Variants in GTF3C1 observed in about 807,000 individuals in gnomAD.
The protein encoded by GTF3C1 is general transcription factor 3C polypeptide 1.
A neutral mutation model predicts 226.7 loss-of-function variants in GTF3C1; 57 were observed. That is an observed-to-expected ratio of 0.25 (90% CI 0.20 to 0.31). The LOEUF (loss-of-function observed/expected upper bound fraction) is 0.31, where lower values mean the gene tolerates loss of function less well. Ranked by LOEUF, GTF3C1 falls within the 10% of genes least tolerant of loss-of-function variation. The probability of loss-of-function intolerance (pLI) is 1.00; values close to 1 mark genes in which losing one functional copy is unlikely to be tolerated. For synonymous variants in GTF3C1, 1,090 were observed against 1,084.8 expected (o/e 1.00, Z -0.09); for missense variants, 2,217 against 2,776.1 (o/e 0.80, Z 4.53).
At chr16:27,524,942 T>C (rs1373846342) in intron 6 of GTF3C1, among the ~76,000 whole-genome samples, 1 of 152,020 alleles carries the variant, frequency 6.6e-6, no homozygotes. Context: ...TCACCTGAGG[T>C]CAGGGGTTCA....
At position 27,545,402 on chromosome 16, in the gene GTF3C1, G is replaced by T. The variant is rs772685749; in HGVS notation, c.343C>A (p.Arg115Ser). The T allele has an allele frequency of 6.2e-7, 1 of 1,613,280 alleles. No homozygotes were observed. The highest frequency in any genetic ancestry group is 1.7e-5 in the Admixed American group (1 of 60,018). The change falls in exon 2 of 37, where the codon CGC becomes AGC. Residue 115 changes from arginine (R) to serine (S), a missense_variant. Transcript: ENST00000356183. ...ATGTTTTTCCTCTCCTTAAAGTAGCGGCATGAGCCCTGGATGCCATCCTTA... is the reference window on the plus strand; with the variant it reads ...ATGTTTTTCCTCTCCTTAAAGTAGCTGCATGAGCCCTGGATGCCATCCTTA... ...ENKDGIQGSCRYFKERKNITN... is the reference protein window; with the variant it reads ...ENKDGIQGSCSYFKERKNITN...
intron 15 of GTF3C1, 51 bp downstream of exon 15, chr16:27,495,160 C>T: frequency 7.2e-7 from 1 of 1,380,736 alleles, no homozygotes; most frequent in Non-Finnish European, 1.0e-6. Context: ...TCCCTGGATC[C>T]TACTACTGGG....
Position 27,469,893 on chromosome 16 carries a change from C to A in GTF3C1, c.4814+215G>T, listed in dbSNP as rs1187206416. ...CCTTCTCTTCCCTGCCCCTCCCCTG[C>A]CCCGCTGTGCTGCGTCCTTCTCTTT... On this transcript the variant is annotated intron_variant, in intron 31 of 36. Coordinates refer to ENST00000356183, the MANE Select transcript of GTF3C1 (RefSeq NM_001520.4). The surrounding 1 kb of genome is among the most constrained non-coding windows in gnomAD (Gnocchi z 4.5). Among the ~76,000 whole-genome samples, 1 of 152,158 alleles carries A rather than the reference C, an allele frequency of 6.6e-6. No individual in the cohort carries two copies. Among genetic ancestry groups the A allele is most frequent in the African/African-American group, 2.4e-5 (1 of 41,440 alleles).
In GTF3C1 at chr16:27,461,213, ACT is replaced by A. The variant is rs1305400474; in HGVS notation, c.*135_*136del. 4.9e-6 allele frequency: 3 copies of A among 615,350 alleles called. No individual in the cohort carries two copies. In the African/African-American group the frequency reaches 5.5e-5, roughly 11 times the overall value. The allele number at this position is 615,350 out of a possible 1,614,324, so 38.1% of individuals were successfully genotyped here. A position where few individuals can be genotyped will look rare whatever the true frequency, so the allele number is the denominator to read the frequency against. On this transcript the variant is annotated 3_prime_UTR_variant, in exon 37 of 37. Transcript: ENST00000356183. The surrounding 1 kb of genome is among the most constrained non-coding windows in gnomAD (Gnocchi z 5.3). Reference sequence around the variant, plus strand: ...ACAGTGGGAAACGTGTCAGTCTGTGACTCTGGCCAAAGCACCCGTCCCCTGCT... The same window carrying A: ...ACAGTGGGAAACGTGTCAGTCTGTGACTGGCCAAAGCACCCGTCCCCTGCT...
intron 6 of GTF3C1, among the ~76,000 whole-genome samples, chr16:27,520,327 C>G (rs922574184): frequency 1.3e-5 from 2 of 152,110 alleles, no homozygotes; most frequent in Non-Finnish European, 2.9e-5. Context: ...GTTGGCCAAG[C>G]TGGTCTCCAA....
chr16:27,481,333 C>CTCGGACTTAG, intron 26 of GTF3C1, 142 bp from the exon 27 acceptor site: 1 of 675,992 alleles, frequency 1.5e-6, no homozygotes, highest in Non-Finnish European at 2.6e-6. Flanking sequence ...CCCCTGGTCA[C>CTCGGACTTAG]CTGTCATCTG....
At chr16:27,491,909 G>C (rs565919305) in intron 19 of GTF3C1, among the ~76,000 whole-genome samples, 1 of 152,042 alleles carries the variant, frequency 6.6e-6, no homozygotes, top group Non-Finnish European at 1.5e-5. Flanking sequence ...GGCTGTTCCC[G>C]AGCCCTGGAA....
intron 23 of GTF3C1, among the ~76,000 whole-genome samples, chr16:27,487,207 C>T (rs577364272): frequency 1.2e-4 from 19 of 152,336 alleles, no homozygotes; most frequent in African/African-American, 4.6e-4. Flanking sequence ...CACATATCTA[C>T]GACAGGCGAA....
At position 27,464,671 on chromosome 16, in the gene GTF3C1, A is replaced by T; in HGVS notation, c.5521T>A (p.Ser1841Thr). Residue 1841 changes from serine (S) to threonine (T), a missense_variant, in exon 34 of 37, where the codon TCC becomes ACC. Coordinates refer to ENST00000356183, the MANE Select transcript of GTF3C1 (RefSeq NM_001520.4). ...CCCTCGGGGGGGCTGTCCTCACTGG[A>T]AGACCCCTCCAGGGGTCTGGCCTGG... ...DPQARPLEGS[S>T]SEDSPPEGQA... 2 of 1,549,746 alleles carry T rather than the reference A, an allele frequency of 1.3e-6. No homozygotes were observed. Among genetic ancestry groups the T allele is most frequent in the Non-Finnish European group, 1.7e-6 (2 of 1,155,104 alleles).
chr16:27,507,386 T>C lies in GTF3C1; in HGVS notation c.1243-230A>G, dbSNP rs2088502056. 6.6e-6 allele frequency among the ~76,000 whole-genome samples: 1 copy of C among 151,398 alleles called. No individual in the cohort carries two copies. On this transcript the variant is annotated intron_variant, in intron 8 of 36. Coordinates refer to ENST00000356183, the MANE Select transcript of GTF3C1 (RefSeq NM_001520.4). This position sits in a 1 kb window ranked among gnomAD's most constrained non-coding sequence, Gnocchi z 4.9. Reference sequence around the variant, plus strand: ...TCTCTGAAGTACAACCCTGAATGTGTGTCTGCTCTATGAGGCTATGAGCTT... The same window carrying C: ...TCTCTGAAGTACAACCCTGAATGTGCGTCTGCTCTATGAGGCTATGAGCTT...
chr16:27,463,238 T>C lies in GTF3C1; in HGVS notation c.5924+303A>G. 1 of 426,592 alleles carries C rather than the reference T, an allele frequency of 2.3e-6. No individual in the cohort carries two copies. Among genetic ancestry groups the C allele is most frequent in the Non-Finnish European group, 4.2e-6 (1 of 240,214 alleles). The allele number at this position is 426,592 out of a possible 1,614,324, so 26.4% of individuals were successfully genotyped here. A position where few individuals can be genotyped will look rare whatever the true frequency, so the allele number is the denominator to read the frequency against. On this transcript the variant is annotated intron_variant, in intron 35 of 36. Transcript: ENST00000356183. The surrounding 1 kb of genome is among the most constrained non-coding windows in gnomAD (Gnocchi z 4.9). ...CATCTGCAGGAGTGGGTGAGGTGCC[T>C]GTGGGCCATGAGGAGCCAGTGAAGC...
At position 27,549,858 on chromosome 16, in the gene GTF3C1, G is replaced by A. The variant is rs780330147; in HGVS notation, c.33C>T (p.Val11=). 1.2e-6 allele frequency: 2 copies of A among 1,612,750 alleles called. No individual in the cohort carries two copies. Among genetic ancestry groups the A allele is most frequent in the African/African-American group, 1.3e-5 (1 of 74,938 alleles). Reference sequence around the variant, plus strand: ...ACAGGCCATCGAGCCCCTCCAGAGCGACTTCGTCCAACAACGACTCCAGCG... The same window carrying A: ...ACAGGCCATCGAGCCCCTCCAGAGCAACTTCGTCCAACAACGACTCCAGCG... The part of the protein sequence containing the change: MDALESLLDE[V]ALEGLDGLCL... Residue 11 remains valine (V), a synonymous_variant, in exon 1 of 37, where the codon GTC becomes GTT. Coordinates refer to ENST00000356183, the MANE Select transcript of GTF3C1 (RefSeq NM_001520.4).
intron 4 of GTF3C1, among the ~76,000 whole-genome samples, chr16:27,536,619 T>C (rs1346343390): frequency 6.6e-6 from 1 of 152,226 alleles, no homozygotes; most frequent in Admixed American, 6.5e-5. Context: ...AAGCACTTTC[T>C]TTGGCCCAAC....
intron 4 of GTF3C1, among the ~76,000 whole-genome samples, chr16:27,534,103 A>G (rs1266925979): frequency 6.6e-6 from 1 of 152,192 alleles, no homozygotes; most frequent in African/African-American, 2.4e-5. Context: ...ACACAAACCT[A>G]GGTCTTCTTC....
chr16:27,539,137 C>G (rs530358283), intron 2 of GTF3C1, among the ~76,000 whole-genome samples: 1 of 151,468 alleles, frequency 6.6e-6, no homozygotes, highest in South Asian at 2.1e-4. Flanking sequence ...AATAGGAGCT[C>G]TGTGTATATT....
At position 27,529,412 on chromosome 16, in the gene GTF3C1, G is replaced by T. The variant is rs147301326; in HGVS notation, c.850-691C>A. ...GCCGAGATTGCACCACTGCACTCCA[G>T]CCTGGGTGACAGAGTGAGACTCTGT... On this transcript the variant is annotated intron_variant, in intron 5 of 36. Coordinates refer to ENST00000356183, the MANE Select transcript of GTF3C1 (RefSeq NM_001520.4). 7.8e-3 allele frequency among the ~76,000 whole-genome samples: 1,183 copies of T among 150,734 alleles called. 14 individuals carry two copies. The highest frequency in any genetic ancestry group is 0.028 in the African/African-American group (1,126 of 40,852).
At chr16:27,483,906 G>T (rs747960208) in intron 25 of GTF3C1, among the ~76,000 whole-genome samples, 2 of 152,186 alleles carry the variant, frequency 1.3e-5, no homozygotes, top group Non-Finnish European at 2.9e-5. Flanking sequence ...TCCACCACCA[G>T]CTAGGCACGT....
chr16:27,548,450 AG>A (rs2089200276), intron 1 of GTF3C1, among the ~76,000 whole-genome samples: 1 of 152,174 alleles, frequency 6.6e-6, no homozygotes, highest in Non-Finnish European at 1.5e-5. Flanking sequence ...TATTTTTAGT[AG>A]AGATAGGGTT....
At chr16:27,494,267 G>C (rs959422822) in intron 16 of GTF3C1, among the ~76,000 whole-genome samples, 1 of 151,952 alleles carries the variant, frequency 6.6e-6, no homozygotes, top group Admixed American at 6.6e-5. Context: ...CTGGCGTGGT[G>C]GTGGGTGCCT....
Sources: gnomAD v4.1 joint callset for allele counts (sites outside exome capture counted in the v4.1 genomes callset) on GRCh38, gnomAD v4.1.1 for gene constraint, Gnocchi (gnomAD v3.1) non-coding constraint, MANE v1.5 for transcripts, NCBI Gene and HGNC (gene_info 2026-07-23, HGNC 2026-07-21) for gene names.